The following CAMTA1 variants were observed in gnomAD, a reference collection of about 807,000 sequenced individuals.
CAMTA1 encodes the protein calmodulin-binding transcription activator 1.
In CAMTA1, 27 loss-of-function variants were observed where a neutral mutation model predicts 170.9. The observed-to-expected ratio is 0.16, with a 90% confidence interval of 0.12 to 0.22. CAMTA1 has a LOEUF of 0.22. Among genes scored for constraint, CAMTA1 ranks in the 10% least tolerant of loss-of-function variants. The pLI, the probability that CAMTA1 is intolerant of heterozygous loss-of-function variation, is 1.00. For synonymous variants in CAMTA1, 833 were observed against 891.5 expected (o/e 0.93, Z 1.17); for missense variants, 1,619 against 2,217.2 (o/e 0.73, Z 5.42).
In CAMTA1 at chr1:7,588,036, C is replaced by A. The variant is rs186278589; in HGVS notation, c.511-52364C>A. Among the ~76,000 whole-genome samples the A allele has an allele frequency of 2.4e-4, 37 of 152,270 alleles. 1 individual carries two copies. The East Asian group carries it at 6.6e-3, about 27-fold the overall frequency. ...TGGCCATTCATTCCTCGTTCAAGTG[C>A]GTGTGGCAGCCTCCACCGTGCAGGT... On this transcript the variant is annotated intron_variant, in intron 6 of 22. Coordinates refer to ENST00000303635, the MANE Select transcript of CAMTA1 (RefSeq NM_015215.4). This position sits in a 1 kb window ranked among gnomAD's most constrained non-coding sequence, Gnocchi z 5.8.
intron 7 of CAMTA1, among the ~76,000 whole-genome samples, chr1:7,645,899 C>A (rs754792454): frequency 6.6e-6 from 1 of 152,268 alleles, no homozygotes; most frequent in Non-Finnish European, 1.5e-5. Flanking sequence ...AGCACCTCCA[C>A]CCCCACACTT....
At chr1:7,647,746 GGTATCCCTAAGGCTC>G (rs2095819348) in intron 7 of CAMTA1, among the ~76,000 whole-genome samples, 1 of 152,168 alleles carries the variant, frequency 6.6e-6, no homozygotes, top group Non-Finnish European at 1.5e-5. Flanking sequence ...ACTAGGAACA[GGTATCCCTAAGGCTC>G]AGCCAGAGCC....
intron 3 of CAMTA1, among the ~76,000 whole-genome samples, chr1:7,069,006 G>A (rs973291728): frequency 3.3e-5 from 5 of 152,308 alleles, no homozygotes; most frequent in African/African-American, 4.8e-5. Flanking sequence ...CAAGCTGGAC[G>A]CAGGCCTGGC....
At chr1:7,495,345 G>A (rs953032344) in intron 6 of CAMTA1, among the ~76,000 whole-genome samples, 1 of 152,126 alleles carries the variant, frequency 6.6e-6, no homozygotes, top group African/African-American at 2.4e-5. Flanking sequence ...GTGTTCTGGG[G>A]GCTTTGTGAG....
At chr1:7,145,582 C>T (rs1646135085) in intron 4 of CAMTA1, among the ~76,000 whole-genome samples, 1 of 152,156 alleles carries the variant, frequency 6.6e-6, no homozygotes, top group African/African-American at 2.4e-5. Flanking sequence ...CCTTCCTAGC[C>T]TTCCCTCGTC....
chr1:7,482,631 A>C lies in CAMTA1; in HGVS notation c.510+14730A>C, dbSNP rs1256372754. 2.0e-5 allele frequency among the ~76,000 whole-genome samples: 3 copies of C among 152,210 alleles called. No individual in the cohort carries two copies. The highest frequency in any genetic ancestry group is 6.5e-5 in the Admixed American group (1 of 15,292). On this transcript the variant is annotated intron_variant, in intron 6 of 22. Coordinates refer to ENST00000303635, the MANE Select transcript of CAMTA1 (RefSeq NM_015215.4). The surrounding 1 kb of genome is among the most constrained non-coding windows in gnomAD (Gnocchi z 4.2). ...GGTGACCCTGGTGACACCAGGCATGAGAATTCTCTGTGAGCTTAGCTTGGA... is the reference window on the plus strand; with the variant it reads ...GGTGACCCTGGTGACACCAGGCATGCGAATTCTCTGTGAGCTTAGCTTGGA...
At chr1:6,823,365 G>C (rs1342615678) in intron 2 of CAMTA1, among the ~76,000 whole-genome samples, 1 of 152,046 alleles carries the variant, frequency 6.6e-6, no homozygotes, top group African/African-American at 2.4e-5. Context: ...TAGTTGAACA[G>C]TTTCCTTTTG....
At chr1:7,229,857 C>T (rs545867275) in intron 4 of CAMTA1, among the ~76,000 whole-genome samples, 6 of 152,178 alleles carry the variant, frequency 3.9e-5, no homozygotes, top group East Asian at 3.9e-4. Context: ...GAAAATAGCC[C>T]GCATAGTCCC....
intron 12 of CAMTA1, among the ~76,000 whole-genome samples, chr1:7,734,051 G>A (rs12128296): frequency 0.27 from 41,248 of 152,070 alleles, 6,055 homozygotes; most frequent in South Asian, 0.41. Context: ...AGGTTCAAGC[G>A]ATTCTCCAGC....
chr1:6,933,523 G>A (rs530295366), intron 3 of CAMTA1, among the ~76,000 whole-genome samples: 56 of 152,272 alleles, frequency 3.7e-4, no homozygotes, highest in African/African-American at 1.3e-3. Flanking sequence ...GCCTCCCAAA[G>A]TGCTGTGATT....
At chr1:7,508,328 C>T (rs2094151230) in intron 6 of CAMTA1, among the ~76,000 whole-genome samples, 1 of 152,214 alleles carries the variant, frequency 6.6e-6, no homozygotes, top group African/African-American at 2.4e-5. Flanking sequence ...GGAAGAGGCG[C>T]TTCAGAGGCC....
At chr1:6,961,339 T>G (rs147478377) in intron 3 of CAMTA1, among the ~76,000 whole-genome samples, 3 of 152,318 alleles carry the variant, frequency 2.0e-5, no homozygotes, top group African/African-American at 7.2e-5. Flanking sequence ...TAGCGGGAAC[T>G]GAAGGACAGA....
At chr1:6,849,989 C>G (rs895000973) in intron 3 of CAMTA1, among the ~76,000 whole-genome samples, 3 of 141,016 alleles carry the variant, frequency 2.1e-5, no homozygotes, top group Admixed American at 7.5e-5. Flanking sequence ...GAGCCGAGAT[C>G]ATGCAACTGC....
chr1:7,287,332 G>A (rs966091371), intron 5 of CAMTA1, among the ~76,000 whole-genome samples: 6 of 152,186 alleles, frequency 3.9e-5, no homozygotes, highest in Non-Finnish European at 7.4e-5. Flanking sequence ...TCTCAAATCG[G>A]ATGTCATCTC....
intron 5 of CAMTA1, among the ~76,000 whole-genome samples, chr1:7,453,666 G>A (rs1276920158): frequency 1.3e-5 from 2 of 152,250 alleles, no homozygotes; most frequent in Non-Finnish European, 2.9e-5. Context: ...GGCCATAAAA[G>A]CCATGTTGCA....
chr1:7,309,282 A>G (rs1162602176), intron 5 of CAMTA1, among the ~76,000 whole-genome samples: 1 of 136,100 alleles, frequency 7.3e-6, no homozygotes, highest in African/African-American at 2.7e-5. Flanking sequence ...TATTGCAGTT[A>G]GAAAATTTTT....
At chr1:7,597,279 C>T (rs75386123) in intron 6 of CAMTA1, among the ~76,000 whole-genome samples, 4,486 of 152,288 alleles carry the variant, frequency 0.029, 90 homozygotes, top group Non-Finnish European at 0.044. Flanking sequence ...GCAATGCCTC[C>T]TAGAACTGGT....
chr1:7,172,523 G>A (rs1573632782), intron 4 of CAMTA1, among the ~76,000 whole-genome samples: 1 of 152,184 alleles, frequency 6.6e-6, no homozygotes, highest in South Asian at 2.1e-4. Context: ...AGCATGACAG[G>A]CCTTGGAATG....
chr1:7,087,938 C>T (rs971118860), intron 3 of CAMTA1, among the ~76,000 whole-genome samples: 2 of 152,252 alleles, frequency 1.3e-5, no homozygotes, highest in African/African-American at 2.4e-5. Context: ...TCTCCCCAAA[C>T]GAGTTCCTGA....
Sources: allele counts gnomAD v4.1 joint callset (sites outside exome capture counted in the v4.1 genomes callset), GRCh38; gene constraint gnomAD v4.1.1; non-coding constraint Gnocchi (gnomAD v3.1); transcripts MANE v1.5; gene names NCBI Gene and HGNC (gene_info 2026-07-23, HGNC 2026-07-21).